Variants in TACC1 observed in about 807,000 individuals in gnomAD.
TACC1 encodes the protein transforming acidic coiled-coil-containing protein 1.
Under a neutral mutation model 84.4 loss-of-function variants are expected in TACC1, and 48 were observed. The ratio of observed to expected loss-of-function variants is 0.57; its 90% confidence interval spans 0.45 to 0.72. The LOEUF is 0.72. TACC1 is among the 30% of genes least tolerant of loss of function. The probability of loss-of-function intolerance (pLI) is 0.00; values close to 1 mark genes in which losing one functional copy is unlikely to be tolerated. For missense variants in TACC1, 920 were observed against 973.0 expected, an observed-to-expected ratio of 0.95 and a Z score of 0.72; for synonymous variants, 372 against 376.3, an observed-to-expected ratio of 0.99 and a Z score of 0.13.
intron 12 of TACC1, among the ~76,000 whole-genome samples, chr8:38,847,020 T>G (rs1832444575): frequency 6.6e-6 from 1 of 152,216 alleles, no homozygotes. Context: ...GTGGAAATCA[T>G]CCACAGGCAG....
chr8:38,817,778 A>T (rs1278304629), intron 2 of TACC1, among the ~76,000 whole-genome samples: 1 of 151,924 alleles, frequency 6.6e-6, no homozygotes, highest in African/African-American at 2.4e-5. Context: ...AAGGTGTGTG[A>T]ATGCTTTAAA....
chr8:38,773,577 GCTATCTATCTAGCTATCTATCTAT>G (rs1814128128), intron 3 of TACC1, among the ~76,000 whole-genome samples: 1 of 147,300 alleles, frequency 6.8e-6, no homozygotes, highest in African/African-American at 2.7e-5. Context: ...TATCTAGCTA[GCTATCTATCTAGCTATCTATCTAT>G]CTAGCTATCT....
At chr8:38,764,732 C>T (rs1192170960) in intron 3 of TACC1, among the ~76,000 whole-genome samples, 23 of 151,986 alleles carry the variant, frequency 1.5e-4, no homozygotes, top group Admixed American at 1.5e-3. Context: ...TTTGGGAGGC[C>T]GAGGAGGGCA....
chr8:38,785,166 AT>A (rs1185171327), upstream of TACC1, among the ~76,000 whole-genome samples: 16 of 152,262 alleles, frequency 1.1e-4, no homozygotes, highest in East Asian at 3.1e-3. Context: ...TGTTCCAGGA[AT>A]TCGCAAAGCT....
chr8:38,846,750 A>C lies in TACC1; in HGVS notation c.2280A>C (p.Ala760=). The change falls in exon 12 of 13, where the codon GCA becomes GCC. Residue 760 remains alanine, a synonymous_variant. Coordinates refer to ENST00000317827, the MANE Select transcript of TACC1 (RefSeq NM_006283.3). ...GAACAAAAGCAAAGGCTGAGAGTGC[A>C]GCTCTCCATGCTGGACTCCGCAAAG... ...QVRTKAKAES[A]ALHAGLRKEQ... 4.3e-6 allele frequency: 7 copies of C among 1,614,218 alleles called. No homozygotes were observed. The highest frequency in any genetic ancestry group is 5.9e-6 in the Non-Finnish European group (7 of 1,180,028).
At chr8:38,818,556 G>C (rs578090711) in intron 2 of TACC1, among the ~76,000 whole-genome samples, 1 of 152,084 alleles carries the variant, frequency 6.6e-6, no homozygotes, top group African/African-American at 2.4e-5. Context: ...AGAGACAGAG[G>C]TTCTAAAGAA....
intron 2 of TACC1, among the ~76,000 whole-genome samples, chr8:38,789,329 C>A (rs1247884655): frequency 6.6e-6 from 1 of 152,212 alleles, no homozygotes; most frequent in Admixed American, 6.5e-5. Flanking sequence ...CTCCCAGCCC[C>A]TCAGAGCCCA....
Position 38,787,394 on chromosome 8 carries a change from G to A in TACC1, c.-189G>A, listed in dbSNP as rs1489782935. 5.9e-6 allele frequency: 8 copies of A among 1,355,278 alleles called. No homozygotes were observed. The East Asian group carries it at 1.9e-4, about 32-fold the overall frequency. 84.0% of individuals were successfully genotyped at this position (1,355,278 alleles called of 1,614,324 possible). A position where few individuals can be genotyped will look rare whatever the true frequency, so the allele number is the denominator to read the frequency against. ...GTGAGGGGAGGAGGCCGAGGAGGACGCAGCGCCGGCTGCCGGCGGGAGGAA... is the reference window on the plus strand; with the variant it reads ...GTGAGGGGAGGAGGCCGAGGAGGACACAGCGCCGGCTGCCGGCGGGAGGAA... On this transcript the variant is annotated 5_prime_UTR_variant, in exon 1 of 13. Coordinates refer to ENST00000317827, the MANE Select transcript of TACC1 (RefSeq NM_006283.3).
chr8:38,842,027 T>C (rs1474880399), intron 9 of TACC1, among the ~76,000 whole-genome samples: 1 of 152,086 alleles, frequency 6.6e-6, no homozygotes, highest in African/African-American at 2.4e-5. Flanking sequence ...TTCTGTCCGG[T>C]CTATGCTCAG....
At chr8:38,776,005 C>A (rs138046083) in intron 3 of TACC1, among the ~76,000 whole-genome samples, 31 of 152,144 alleles carry the variant, frequency 2.0e-4, no homozygotes, top group African/African-American at 7.2e-4. Context: ...AGTGTTGAAG[C>A]CAAAGAACAA....
intron 1 of TACC1, among the ~76,000 whole-genome samples, chr8:38,732,466 G>T (rs1214142233): frequency 6.6e-6 from 1 of 152,114 alleles, no homozygotes. Context: ...ACTTACAAAA[G>T]AATTGTGTGG....
At chr8:38,825,496 A>T in intron 4 of TACC1, 128 bp downstream of exon 4, 2 of 891,428 alleles carry the variant, frequency 2.2e-6, no homozygotes, top group Admixed American at 4.3e-5. Context: ...TTAAGAAGCC[A>T]ATTTCCAGAT....
intron 1 of TACC1, among the ~76,000 whole-genome samples, chr8:38,741,302 C>T (rs1029059898): frequency 6.6e-6 from 1 of 151,976 alleles, no homozygotes; most frequent in African/African-American, 2.4e-5. Context: ...ATTACAGGCA[C>T]CCGCCACCAT....
At position 38,840,525 on chromosome 8, in the gene TACC1, C is replaced by T. The variant is rs1396612417; in HGVS notation, c.1960+258C>T. On this transcript the variant is annotated intron_variant, in intron 9 of 12. Transcript: ENST00000317827. ...CTGACATAATCACCTCCCAAATTCC[C>T]TTCCATGCCCACTTTCACCCTGAAC... The T allele has an allele frequency of 2.3e-5, 7 of 300,806 alleles. 1 individual carries two copies. In the Middle Eastern group the frequency reaches 2.2e-3, roughly 95 times the overall value. The allele number at this position is 300,806 out of a possible 1,614,324, so 18.6% of individuals were successfully genotyped here.
chr8:38,786,969 A>C (rs1817291606), upstream of TACC1, among the ~76,000 whole-genome samples: 3 of 152,000 alleles, frequency 2.0e-5, no homozygotes, highest in South Asian at 4.1e-4. Flanking sequence ...GCCCCGGCTC[A>C]GAAAACGGTC....
intron 3 of TACC1, among the ~76,000 whole-genome samples, chr8:38,761,252 T>C (rs559546977): frequency 1.9e-4 from 29 of 152,168 alleles, no homozygotes; most frequent in South Asian, 1.4e-3. Flanking sequence ...ATTTGAAGTA[T>C]GAGACAAAGC....
intron 6 of TACC1, among the ~76,000 whole-genome samples, chr8:38,835,202 C>T (rs1472017578): frequency 1.3e-5 from 2 of 150,004 alleles, no homozygotes; most frequent in Admixed American, 6.7e-5. Flanking sequence ...TGCAGCGAGC[C>T]GAGATTGCGC....
chr8:38,824,087 C>A, intron 3 of TACC1: 1 of 1,222,192 alleles, frequency 8.2e-7, no homozygotes, highest in South Asian at 1.2e-5. Flanking sequence ...TCTCCCCTCC[C>A]CCAGCCATCT....
chr8:38,791,259 TTCTC>T (rs1261646837), intron 2 of TACC1, among the ~76,000 whole-genome samples: 3 of 152,142 alleles, frequency 2.0e-5, no homozygotes, highest in Non-Finnish European at 4.4e-5. Flanking sequence ...ATTTTTTTCA[TTCTC>T]TCTAAAAGGA....
Sources: gnomAD v4.1 joint callset for allele counts (sites outside exome capture counted in the v4.1 genomes callset) on GRCh38, gnomAD v4.1.1 for gene constraint, MANE v1.5 for transcripts, NCBI Gene and HGNC (gene_info 2026-07-23, HGNC 2026-07-21) for gene names.